CAPRIN2: variants seen among roughly 807,000 people sequenced by gnomAD.
The protein encoded by CAPRIN2 is caprin-2.
A neutral mutation model predicts 130.4 loss-of-function variants in CAPRIN2; 66 were observed. That is an observed-to-expected ratio of 0.51 (90% CI 0.42 to 0.62). The LOEUF (loss-of-function observed/expected upper bound fraction) is 0.62. Ranked by LOEUF, CAPRIN2 falls within the 20% of genes least tolerant of loss-of-function variation. CAPRIN2 has a pLI of 0.00. For synonymous variants in CAPRIN2, 471 were observed against 444.1 expected (o/e 1.06, Z -0.76); for missense variants, 1,185 against 1,246.6 (o/e 0.95, Z 0.74).
intron 2 of CAPRIN2, among the ~76,000 whole-genome samples, chr12:30,748,820 A>G (rs2072091174): frequency 6.6e-6 from 1 of 152,206 alleles, no homozygotes; most frequent in African/African-American, 2.4e-5. Context: ...ATATGTAATA[A>G]ATATTTTATA....
At chr12:30,734,893 C>CTG in intron 4 of CAPRIN2, 75 bp downstream of exon 5, 1 of 896,820 alleles carries the variant, frequency 1.1e-6, no homozygotes, top group Non-Finnish European at 1.9e-6. Flanking sequence ...CACACTCTCT[C>CTG]TCTCACATAC....
At chr12:30,745,482 T>TA (rs2069621105) in intron 2 of CAPRIN2, among the ~76,000 whole-genome samples, 1 of 152,140 alleles carries the variant, frequency 6.6e-6, no homozygotes, top group Non-Finnish European at 1.5e-5. Flanking sequence ...CCTTAAGAGT[T>TA]ACTACTTCAA....
At chr12:30,726,159 C>T (rs2060869828) in intron 8 of CAPRIN2, 71 bp from the exon 10 acceptor site, 2 of 1,232,818 alleles carry the variant, frequency 1.6e-6, no homozygotes, top group Admixed American at 6.0e-5. Context: ...AACAGTTTAT[C>T]ACTACATCTT....
chr12:30,744,876 C>T (rs2069228258), intron 2 of CAPRIN2, among the ~76,000 whole-genome samples: 1 of 152,106 alleles, frequency 6.6e-6, no homozygotes, highest in Non-Finnish European at 1.5e-5. Flanking sequence ...TTCAGATGAT[C>T]TTAGAGAGCA....
At position 30,747,331 on chromosome 12, in the gene CAPRIN2, T is replaced by C. The variant is rs373039980; in HGVS notation, c.483+3740A>G. 9.2e-5 allele frequency among the ~76,000 whole-genome samples: 14 copies of C among 152,314 alleles called. No individual in the cohort carries two copies. The East Asian group carries it at 2.1e-3, about 23-fold the overall frequency. ...TGTTTTCATGCCTGATAACATAACA[T>C]ACATTCTGCAGCCCATGGATCAAGG... On this transcript the variant is annotated intron_variant, in intron 2 of 16. Coordinates refer to ENST00000298892, the Ensembl canonical transcript of CAPRIN2.
chr12:30,735,212 A>G lies in CAPRIN2; in HGVS notation c.571-6T>C. 1 of 1,603,300 alleles carries G rather than the reference A, an allele frequency of 6.2e-7. No individual in the cohort carries two copies. Among genetic ancestry groups the G allele is most frequent in the East Asian group, 2.2e-5 (1 of 44,804 alleles). ...TTCTTTTGCGCTTTTAGTAGCTGTT[A>G]AAACAAATGGCTAATTAAGGGTAAC... On this transcript the variant is annotated splice_region_variant and splice_polypyrimidine_tract_variant and intron_variant, in intron 3 of 16. Coordinates refer to ENST00000298892, the Ensembl canonical transcript of CAPRIN2.
At chr12:30,718,062 G>A (rs2058218430) in intron 12 of CAPRIN2, among the ~76,000 whole-genome samples, 2 of 152,138 alleles carry the variant, frequency 1.3e-5, no homozygotes, top group Admixed American at 1.3e-4. Flanking sequence ...AAAACAGATT[G>A]GCATGAGCAA....
intron 2 of CAPRIN2, among the ~76,000 whole-genome samples, chr12:30,747,248 C>T (rs115875701): frequency 8.4e-4 from 128 of 152,252 alleles, no homozygotes; most frequent in African/African-American, 2.9e-3. Context: ...AATATTAATG[C>T]TAATTGACAA....
chr12:30,735,812 C>T (rs1674221499), intron 3 of CAPRIN2, among the ~76,000 whole-genome samples: 1 of 152,082 alleles, frequency 6.6e-6, no homozygotes, highest in African/African-American at 2.4e-5. Context: ...CAATATTTAG[C>T]TGACAAAACA....
intron 8 of CAPRIN2, chr12:30,728,233 T>C (rs187632121): frequency 2.5e-5 from 4 of 156,896 alleles, no homozygotes; most frequent in African/African-American, 9.6e-5. Flanking sequence ...GGGTGAAATA[T>C]TTTATACATT....
chr12:30,715,920 T>C (rs1269062706), intron 13 of CAPRIN2: 2 of 155,252 alleles, frequency 1.3e-5, no homozygotes, highest in Non-Finnish European at 2.8e-5. Flanking sequence ...CTCAATTCAT[T>C]TGCTCCGACT....
At chr12:30,711,480 G>A (rs1362984289) in intron 16 of CAPRIN2, 86 bp downstream of exon 18, 3 of 1,056,970 alleles carry the variant, frequency 2.8e-6, no homozygotes, top group Admixed American at 1.8e-5. Context: ...AAAAAGCAAT[G>A]TGCTTTGGAA....
intron 2 of CAPRIN2, among the ~76,000 whole-genome samples, chr12:30,741,890 TC>T (rs1305871153): frequency 1.3e-5 from 2 of 151,944 alleles, no homozygotes; most frequent in African/African-American, 4.8e-5. Context: ...ATGAAAACAA[TC>T]CAAATATCCA....
exon 17 of CAPRIN2, chr12:30,709,766 C>T (rs1406212855): frequency 3.0e-6 from 3 of 1,004,406 alleles, no homozygotes; most frequent in Non-Finnish European, 4.2e-6. Context: ...GGAAGGAAAA[C>T]AAAAAAGTAA....
chr12:30,714,813 T>C, intron 14 of CAPRIN2, 146 bp downstream of exon 16: 1 of 570,776 alleles, frequency 1.8e-6, no homozygotes, highest in Non-Finnish European at 3.1e-6. Context: ...AATAGGTATA[T>C]TAAAAATACT....
rs1022199841 is a variant in CAPRIN2 at position 30,740,132 on chromosome 12, G to A, written c.570+888C>T. Among the ~76,000 whole-genome samples the A allele has an allele frequency of 3.9e-5, 6 of 152,032 alleles. No homozygotes were observed. The East Asian group carries it at 5.8e-4, about 15-fold the overall frequency. ...ACTATAAAGAAAAATAGGCCAGGGC[G>A]ACTGCTCACACCTGTAATCCCAGCA... On this transcript the variant is annotated intron_variant, in intron 3 of 16. Coordinates refer to ENST00000298892, the Ensembl canonical transcript of CAPRIN2.
intron 11 of CAPRIN2, among the ~76,000 whole-genome samples, chr12:30,721,959 G>C (rs1057120660): frequency 1.4e-4 from 21 of 152,166 alleles, no homozygotes; most frequent in African/African-American, 4.6e-4. Flanking sequence ...TCTAAAACTA[G>C]GTCGTTCTTC....
rs535610393 is a variant in CAPRIN2, at chr12:30,710,346, T to C, written c.2790A>G (p.Pro930=). 6.2e-7 allele frequency: 1 copy of C among 1,614,140 alleles called. No individual in the cohort carries two copies. Among genetic ancestry groups the C allele is most frequent in the African/African-American group, 1.3e-5 (1 of 75,028 alleles). ...CGTGTACTGGCAGTATGGTGGCTGC[T>C]GGATTTGTCACTGGCACATCCACAG... Residue 930 remains proline (P), a synonymous_variant, in exon 17 of 17, where the codon CCA becomes CCG. Transcript: ENST00000298892. The surrounding 1 kb of genome is among the most constrained non-coding windows in gnomAD (Gnocchi z 4.8).
chr12:30,751,909 ATTTTTT>A (rs574883707), intron 1 of CAPRIN2, among the ~76,000 whole-genome samples: 3 of 87,870 alleles, frequency 3.4e-5, no homozygotes, highest in East Asian at 4.6e-4. Context: ...CCACTATGGT[ATTTTTT>A]TTTTTTTTTT....
Sources: gnomAD v4.1 joint callset for allele counts (sites outside exome capture counted in the v4.1 genomes callset) on GRCh38, gnomAD v4.1.1 for gene constraint, Gnocchi (gnomAD v3.1) non-coding constraint, MANE v1.5 for transcripts, NCBI Gene and HGNC (gene_info 2026-07-23, HGNC 2026-07-21) for gene names.